Variants in IK observed in about 807,000 individuals in gnomAD.
IK encodes protein Red.
IK carries 47 observed loss-of-function variants against 90.9 expected under a neutral mutation model. That is an observed-to-expected ratio of 0.52 (90% CI 0.41 to 0.66). The LOEUF (loss-of-function observed/expected upper bound fraction) is 0.66, where lower values mean the gene tolerates loss of function less well. Among genes scored for constraint, IK ranks in the 30% least tolerant of loss-of-function variants. The pLI is 0.00. For missense variants in IK, 385 were observed against 709.3 expected (o/e 0.54, Z 5.19); for synonymous variants, 201 against 227.5 (o/e 0.88, Z 1.05).
chr5:140,648,595 G>T, intron 2 of IK, 58 bp downstream of exon 2: 1 of 1,478,864 alleles, frequency 6.8e-7, no homozygotes. Context: ...GAAAAGTGGT[G>T]GTGATGGTGA....
chr5:140,654,116 C>G, intron 6 of IK, 64 bp downstream of exon 6: 1 of 907,814 alleles, frequency 1.1e-6, no homozygotes, highest in Non-Finnish European at 1.8e-6. Context: ...ATGGGTCTGG[C>G]AAGATGAGGA....
chr5:140,655,897 C>A lies in IK; in HGVS notation c.706C>A (p.Arg236Ser). 1 of 1,600,104 alleles carries A rather than the reference C, an allele frequency of 6.2e-7. No individual in the cohort carries two copies. Among genetic ancestry groups the A allele is most frequent in the Admixed American group, 1.7e-5 (1 of 57,946 alleles). Residue 236 changes from arginine to serine, a missense_variant, in exon 9 of 20, where the codon CGC becomes AGC. Coordinates refer to ENST00000417647, the MANE Select transcript of IK (RefSeq NM_006083.4). ...GCGGAATGAGTTGTTCCTGCCGGGC[C>A]GCATGGCCTATGTGGTAGACCTGGA... ...YERNELFLPG[R>S]MAYVVDLDDE...
chr5:140,658,034 C>G (rs527662027), intron 10 of IK, among the ~76,000 whole-genome samples: 12 of 152,322 alleles, frequency 7.9e-5, no homozygotes, highest in African/African-American at 2.6e-4. Flanking sequence ...GAGTCTCGCT[C>G]TGTCACCCAG....
rs1757754493 is a variant in IK, at chr5:140,658,935, C to T, written c.951-4C>T. On this transcript the variant is annotated splice_polypyrimidine_tract_variant and splice_region_variant and intron_variant, in intron 11 of 19. Coordinates refer to ENST00000417647, the MANE Select transcript of IK (RefSeq NM_006083.4). ...TGGCCAGCTAGTGATCTCCATTTTC[C>T]CAGTATTTTTGAAGACATTGGGGAT... The T allele has an allele frequency of 6.2e-7, 1 of 1,613,682 alleles. No homozygotes were observed. The highest frequency in any genetic ancestry group is 8.5e-7 in the Non-Finnish European group (1 of 1,179,774).
intron 3 of IK, 108 bp from the exon 4 acceptor site, chr5:140,651,980 T>G (rs1227168179): frequency 1.1e-6 from 1 of 918,974 alleles, no homozygotes; most frequent in East Asian, 2.4e-5. Context: ...TTGAAAGTGT[T>G]ACTTTGATCA....
intron 9 of IK, 115 bp from the exon 10 acceptor site, chr5:140,657,439 C>G (rs184973065): frequency 2.8e-6 from 2 of 702,172 alleles, no homozygotes; most frequent in Admixed American, 5.7e-5. Context: ...CACTTCGTTT[C>G]CCTCCCTTCA....
At chr5:140,653,487 C>T (rs1204589334) in intron 5 of IK, among the ~76,000 whole-genome samples, 1 of 150,354 alleles carries the variant, frequency 6.7e-6, no homozygotes, top group Non-Finnish European at 1.5e-5. Context: ...AGGGTTTCAC[C>T]GTGTTAGCCA....
At chr5:140,656,133 C>A in intron 9 of IK, 141 bp downstream of exon 9, 1 of 705,854 alleles carries the variant, frequency 1.4e-6, no homozygotes, top group South Asian at 1.9e-5. Context: ...AATCCATTCA[C>A]TTTTCCACTT....
At chr5:140,648,050 A>C (rs2245861) in intron 1 of IK, 126 bp downstream of exon 1, 1 of 301,212 alleles carries the variant, frequency 3.3e-6, no homozygotes, top group African/African-American at 3.9e-5. Flanking sequence ...GTGTGTATGT[A>C]TGTATGTGTG....
At position 140,657,661 on chromosome 5, in the gene IK, A is replaced by AG; in HGVS notation, c.910+1dup. ...ACAAGAAGCTTAAGAAGAAGGATAA[A>AG]GGTACCTGGAGGGTTAGAGAGAGAA... On this transcript the variant is annotated frameshift_variant and splice_region_variant, in exon 10 of 20. Coordinates refer to ENST00000417647, the MANE Select transcript of IK (RefSeq NM_006083.4). LOFTEE classifies it high-confidence loss of function. The AG allele has an allele frequency of 6.3e-7, 1 of 1,593,298 alleles. No individual in the cohort carries two copies. The highest frequency in any genetic ancestry group is 8.6e-7 in the Non-Finnish European group (1 of 1,161,856).
Position 140,651,781 on chromosome 5 carries a change from C to G in IK, c.151C>G (p.Pro51Ala). 6.2e-7 allele frequency: 1 copy of G among 1,609,622 alleles called. No individual in the cohort carries two copies. The highest frequency in any genetic ancestry group is 8.5e-7 in the Non-Finnish European group (1 of 1,175,948). The change falls in exon 3 of 20, where the codon CCA becomes GCA. Residue 51 changes from proline to alanine, a missense_variant. Physicochemically the swap from Pro to Ala is conservative, Grantham distance 27. This residue lies in a region of IK where 64 missense variants were observed against 144.6 expected (regional missense o/e 0.44). Coordinates refer to ENST00000417647, the MANE Select transcript of IK (RefSeq NM_006083.4). ...MTPRAAPTSA[P>A]PSKSRHHEMP... ...CCCCAGGGCTGCACCTACCTCTGCA[C>G]CACCTTCTAAGTCACGTCACCATGA... is the stretch of plus-strand genomic sequence containing the variant.
chr5:140,648,036 G>GTA, intron 1 of IK, 112 bp downstream of exon 1: 1 of 1,000,558 alleles, frequency 1.0e-6, no homozygotes, highest in Non-Finnish European at 1.5e-6. Context: ...GTGTGTGTGT[G>GTA]TGTGTGTGTA....
chr5:140,650,052 A>T (rs1002192323), intron 2 of IK, among the ~76,000 whole-genome samples: 1 of 152,086 alleles, frequency 6.6e-6, no homozygotes, highest in Non-Finnish European at 1.5e-5. Flanking sequence ...AGGTTCCCCA[A>T]AGAGTCCCAT....
intron 2 of IK, among the ~76,000 whole-genome samples, chr5:140,649,559 A>C (rs192778711): frequency 1.3e-5 from 2 of 151,066 alleles, no homozygotes; most frequent in South Asian, 4.2e-4. Context: ...TTTTTGGCAT[A>C]TCTTTTCCTC....
rs57159437 is a variant in IK, at chr5:140,655,758, A to G, written c.638-71A>G. On this transcript the variant is annotated intron_variant, in intron 8 of 19. Transcript: ENST00000417647. The stretch of plus-strand genomic sequence containing the variant: ...CATAGCACTTGGCATGGTGGCTAGC[A>G]CAGAGTAAGCACATAAGTGACAGCT... The G allele has an allele frequency of 4.1e-3, 6,124 of 1,507,624 alleles. 238 individuals carry two copies. In the African/African-American group the frequency reaches 0.075, roughly 19 times the overall value. 93.4% of individuals were successfully genotyped at this position (1,507,624 alleles called of 1,614,324 possible).
chr5:140,659,681 T>TA, intron 13 of IK, 75 bp from the exon 14 acceptor site: 2 of 943,318 alleles, frequency 2.1e-6, no homozygotes, highest in Non-Finnish European at 3.3e-6. Flanking sequence ...TTAAAAATGT[T>TA]TTTTAAGTGT....
chr5:140,653,844 C>A, intron 5 of IK, 94 bp from the exon 6 acceptor site: 1 of 712,352 alleles, frequency 1.4e-6, no homozygotes, highest in South Asian at 1.7e-5. Flanking sequence ...ACCTTGTGAT[C>A]TGTCCGCCTT....
Position 140,647,832 on chromosome 5 carries a change from C to A in IK, c.-77C>A. 1 of 1,570,770 alleles carries A rather than the reference C, an allele frequency of 6.4e-7. No homozygotes were observed. The highest frequency in any genetic ancestry group is 8.8e-7 in the Non-Finnish European group (1 of 1,140,378). Reference sequence around the variant, plus strand: ...CAGTGTGGGTTGATTCTGAGGTGCACTGTGGGAAAGAGCTTGTCGCTGCGG... The same window carrying A: ...CAGTGTGGGTTGATTCTGAGGTGCAATGTGGGAAAGAGCTTGTCGCTGCGG... On this transcript the variant is annotated 5_prime_UTR_variant, in exon 1 of 20. It adds an upstream start codon to the 5' untranslated region. Coordinates refer to ENST00000417647, the MANE Select transcript of IK (RefSeq NM_006083.4).
At chr5:140,651,185 C>T (rs535891311) in intron 2 of IK, among the ~76,000 whole-genome samples, 1 of 152,260 alleles carries the variant, frequency 6.6e-6, no homozygotes, top group South Asian at 2.1e-4. Context: ...GGCGTGGTGG[C>T]TTACACCTAT....
Sources: gnomAD v4.1 joint callset for allele counts (sites outside exome capture counted in the v4.1 genomes callset) on GRCh38, gnomAD v4.1.1 for gene constraint, gnomAD v4.1.1 regional missense constraint, MANE v1.5 for transcripts, NCBI Gene and HGNC (gene_info 2026-07-23, HGNC 2026-07-21) for gene names.